The following MATR3 variants were observed in gnomAD, a reference collection of about 807,000 sequenced individuals.
MATR3 encodes matrin 3.
In MATR3, 4 loss-of-function variants were observed where a neutral mutation model predicts 85.5. The ratio of observed to expected loss-of-function variants is 0.05; its 90% CI spans 0.02 to 0.11. MATR3 has a LOEUF of 0.11. Ranked by LOEUF, MATR3 falls within the 10% of genes least tolerant of loss-of-function variation. The pLI is 1.00. For missense variants in MATR3, 685 were observed against 1,016.1 expected (o/e 0.67, Z 4.43); for synonymous variants, 336 against 343.1 (o/e 0.98, Z 0.23).
chr5:139,292,551 C>G (rs1159363731), upstream of MATR3, among the ~76,000 whole-genome samples: 2 of 152,164 alleles, frequency 1.3e-5, no homozygotes, highest in African/African-American at 2.4e-5. Flanking sequence ...GGTACCTAAC[C>G]AGTACCTCAG....
At chr5:139,301,568 C>T (rs534179757) in intron 1 of MATR3, among the ~76,000 whole-genome samples, 6 of 152,134 alleles carry the variant, frequency 3.9e-5, no homozygotes, top group East Asian at 3.9e-4. Flanking sequence ...GTGATCCTCT[C>T]GCCTCGGCCT....
At chr5:139,318,828 T>G in intron 7 of MATR3, 80 bp from the exon 8 acceptor site, 2 of 1,382,218 alleles carry the variant, frequency 1.4e-6, no homozygotes, top group African/African-American at 2.9e-5. Context: ...CATTGTTATT[T>G]TTTAGGAAAA....
At chr5:139,317,475 A>G (rs1002329705) in intron 6 of MATR3, 121 bp from the exon 7 acceptor site, 2 of 967,580 alleles carry the variant, frequency 2.1e-6, no homozygotes, top group Non-Finnish European at 1.6e-6. Flanking sequence ...CTAGAATGTT[A>G]TGAGTTGTTT....
chr5:139,325,927 G>A (rs1012994897), intron 13 of MATR3, among the ~76,000 whole-genome samples: 5 of 151,656 alleles, frequency 3.3e-5, no homozygotes, highest in African/African-American at 1.2e-4. Context: ...CTTTTGTTTT[G>A]CTTTTCTGTG....
At chr5:139,319,111 T>A (rs977526935) in intron 8 of MATR3, 78 bp downstream of exon 8, 20 of 1,501,460 alleles carry the variant, frequency 1.3e-5, no homozygotes, top group Non-Finnish European at 1.7e-5. Flanking sequence ...TATTTCAAAT[T>A]ATTGCTAAGG....
intron 4 of MATR3, 119 bp from the exon 5 acceptor site, chr5:139,315,957 G>A (rs899087058): frequency 2.4e-6 from 2 of 849,846 alleles, no homozygotes; most frequent in Non-Finnish European, 4.0e-6. Context: ...TTACTTCACA[G>A]ATACTCTGAA....
chr5:139,298,422 A>AG (rs1156700755), intron 1 of MATR3, among the ~76,000 whole-genome samples: 2 of 152,120 alleles, frequency 1.3e-5, no homozygotes, highest in African/African-American at 4.8e-5. Flanking sequence ...AAATACAAAA[A>AG]TTAGCGGGTC....
intron 3 of MATR3, among the ~76,000 whole-genome samples, chr5:139,281,509 A>C (rs1753525111): frequency 1.3e-5 from 2 of 151,666 alleles, no homozygotes; most frequent in Non-Finnish European, 2.9e-5. Flanking sequence ...CACCTGGCTA[A>C]ATTTTTTTTT....
intron 10 of MATR3, 75 bp downstream of exon 10, chr5:139,322,104 T>A: frequency 6.7e-7 from 1 of 1,485,732 alleles, no homozygotes; most frequent in Non-Finnish European, 9.4e-7. Context: ...CTTTTAAACA[T>A]TTTTGTATGC....
Position 139,308,258 on chromosome 5 carries a change from C to T in MATR3, c.843C>T (p.Phe281=). ...CTCCAAGTAGCAATATTGAAGACTT[C>T]CATGGACTCTTACCGAAGGGTTATC... ...GAPPSSNIED[F]HGLLPKGYPH... is the part of the protein sequence containing the mutation. Residue 281 remains phenylalanine, a synonymous_variant, in exon 2 of 15, where the codon TTC becomes TTT. Transcript: ENST00000394805. The T allele has an allele frequency of 6.2e-7, 1 of 1,614,082 alleles. No homozygotes were observed. The highest frequency in any genetic ancestry group is 8.5e-7 in the Non-Finnish European group (1 of 1,179,982).
chr5:139,331,572 A>G lies in MATR3; in HGVS notation c.*2177A>G, dbSNP rs1401516872. 1 of 453,952 alleles carries G rather than the reference A, an allele frequency of 2.2e-6. No homozygotes were observed. The highest frequency in any genetic ancestry group is 2.0e-5 in the African/African-American group (1 of 49,984). The allele number at this position is 453,952 out of a possible 1,614,324, so 28.1% of individuals were successfully genotyped here. On this transcript the variant is annotated 3_prime_UTR_variant, in exon 15 of 15. Transcript: ENST00000394805. ...CTTTTTAGTAGGAATGTTTCCACTC[A>G]TGTTTGCTGTAAAGTTTAAGAACAT...
At chr5:139,320,494 C>T (rs1011212152) in intron 9 of MATR3, among the ~76,000 whole-genome samples, 5 of 152,094 alleles carry the variant, frequency 3.3e-5, no homozygotes, top group East Asian at 1.9e-4. Context: ...GTTTTAGCTA[C>T]GGGAGTCTGA....
chr5:139,315,687 C>T lies in MATR3; in HGVS notation c.975-10C>T. 1 of 1,603,550 alleles carries T rather than the reference C, an allele frequency of 6.2e-7. No homozygotes were observed. Among genetic ancestry groups the T allele is most frequent in the Non-Finnish European group, 8.5e-7 (1 of 1,170,788 alleles). The stretch of plus-strand genomic sequence containing the variant: ...TTTATTTTAAAGTTAATTTTCTGGT[C>T]TTTTTAAAGCTACCCAGAATGGAAT... On this transcript the variant is annotated splice_polypyrimidine_tract_variant and intron_variant, in intron 3 of 14. Coordinates refer to ENST00000394805, the MANE Select transcript of MATR3 (RefSeq NM_018834.6).
chr5:139,303,171 G>A (rs752807423), intron 1 of MATR3, among the ~76,000 whole-genome samples: 10 of 151,926 alleles, frequency 6.6e-5, no homozygotes, highest in Non-Finnish European at 1.5e-5. Flanking sequence ...CCCCAATCTC[G>A]GCTCAGTGCA....
At chr5:139,292,338 T>C (rs879380919), upstream of MATR3, among the ~76,000 whole-genome samples, 3 of 152,152 alleles carry the variant, frequency 2.0e-5, no homozygotes, top group Non-Finnish European at 4.4e-5. Context: ...AAGGTTATTG[T>C]AGGGTTATGT....
At chr5:139,277,680 G>A (rs925560491) in intron 2 of MATR3, among the ~76,000 whole-genome samples, 1 of 151,508 alleles carries the variant, frequency 6.6e-6, no homozygotes, top group Non-Finnish European at 1.5e-5. Flanking sequence ...CATCTCTCCA[G>A]ATAAGGGTCC....
intron 5 of MATR3, among the ~76,000 whole-genome samples, chr5:139,316,629 C>G (rs1348663449): frequency 6.6e-6 from 1 of 152,130 alleles, no homozygotes; most frequent in Non-Finnish European, 1.5e-5. Context: ...CTCACTGCAA[C>G]CCCTGCCTCC....
chr5:139,328,345 C>G (rs537760357), intron 14 of MATR3, among the ~76,000 whole-genome samples: 47 of 152,148 alleles, frequency 3.1e-4, no homozygotes, highest in African/African-American at 1.1e-3. Flanking sequence ...TACTATTTTG[C>G]ATTAACTATA....
Position 139,324,290 on chromosome 5 carries a change from GTTTTTTT to G in MATR3, c.2149-1136_2149-1130del, listed in dbSNP as rs767660135. 2.4e-4 allele frequency among the ~76,000 whole-genome samples: 26 copies of G among 107,732 alleles called. No homozygotes were observed. In the East Asian group the frequency reaches 3.6e-3, roughly 15 times the overall value. The allele number at this position is 107,732 out of a possible 152,430, so 70.7% of individuals were successfully genotyped here. ...GGCAGTCATTCTTCAGAGCATGATT[GTTTTTTT>G]TTTTTTTTTTTTTGGAGACGGAGTC... is the stretch of plus-strand genomic sequence containing the variant. On this transcript the variant is annotated intron_variant, in intron 12 of 14. Coordinates refer to ENST00000394805, the MANE Select transcript of MATR3 (RefSeq NM_018834.6).
Sources: gnomAD v4.1 joint callset for allele counts (sites outside exome capture counted in the v4.1 genomes callset) on GRCh38, gnomAD v4.1.1 for gene constraint, MANE v1.5 for transcripts, NCBI Gene and HGNC (gene_info 2026-07-23, HGNC 2026-07-21) for gene names.